CNTNAP5: variants seen among roughly 807,000 people sequenced by gnomAD.
CNTNAP5 encodes the protein contactin associated protein family member 5, also known as contactin-associated protein-like 5.
CNTNAP5 carries 72 observed loss-of-function variants against 150.2 expected under a neutral mutation model. The ratio of observed to expected loss-of-function variants is 0.48; its 90% confidence interval spans 0.40 to 0.58. CNTNAP5 has a LOEUF of 0.58. Ranked by LOEUF, CNTNAP5 falls within the 20% of genes least tolerant of loss-of-function variation. CNTNAP5 has a pLI of 0.00. For synonymous variants in CNTNAP5, 672 were observed against 619.8 expected (o/e 1.08, Z -1.25); for missense variants, 1,636 against 1,626.2 (o/e 1.01, Z -0.10).
At chr2:124,083,503 A>G (rs1454341361) in intron 1 of CNTNAP5, among the ~76,000 whole-genome samples, 1 of 152,144 alleles carries the variant, frequency 6.6e-6, no homozygotes, top group Non-Finnish European at 1.5e-5. Context: ...CTCTTTGTCT[A>G]GTATTATAGA....
At chr2:124,763,839 A>T (rs773095998) in intron 15 of CNTNAP5, 40 bp downstream of exon 15, 61 of 1,611,622 alleles carry the variant, frequency 3.8e-5, no homozygotes, top group Non-Finnish European at 4.6e-5. Context: ...TCTGCATTAC[A>T]TGAGCACAAG....
chr2:124,142,406 C>A (rs1684138096), intron 1 of CNTNAP5, among the ~76,000 whole-genome samples: 1 of 151,920 alleles, frequency 6.6e-6, no homozygotes, highest in Admixed American at 6.6e-5. Context: ...CTCTCCTCAG[C>A]AAATCTAAAG....
Position 124,390,399 on chromosome 2 carries a change from C to A in CNTNAP5, c.382-27044C>A, listed in dbSNP as rs978623817. ...GGGTTACCTTCCAGCACAGAATTAT[C>A]TACTAAAAAGCCATGACAGCCCACC... On this transcript the variant is annotated intron_variant, in intron 3 of 23. Transcript: ENST00000682447. Among the ~76,000 whole-genome samples the A allele has an allele frequency of 2.0e-5, 3 of 152,214 alleles. 1 individual carries two copies. Among genetic ancestry groups the A allele is most frequent in the Admixed American group, 6.5e-5 (1 of 15,280 alleles).
chr2:124,770,028 G>A (rs1681156751), intron 16 of CNTNAP5, among the ~76,000 whole-genome samples: 1 of 152,042 alleles, frequency 6.6e-6, no homozygotes, highest in Non-Finnish European at 1.5e-5. Context: ...ATTCTAGGAG[G>A]TGCAGCTTAA....
intron 21 of CNTNAP5, among the ~76,000 whole-genome samples, chr2:124,892,493 A>C (rs970681473): frequency 6.6e-6 from 1 of 152,122 alleles, no homozygotes; most frequent in Non-Finnish European, 1.5e-5. Context: ...TTCAAGAGAC[A>C]AAACAAGAAA....
At chr2:124,257,639 G>T (rs1687345449) in intron 3 of CNTNAP5, among the ~76,000 whole-genome samples, 4 of 152,086 alleles carry the variant, frequency 2.6e-5, no homozygotes, top group Admixed American at 2.6e-4. Flanking sequence ...GTGATCCTTT[G>T]CACATCTGCA....
At chr2:124,871,725 A>G (rs1677752915) in intron 21 of CNTNAP5, among the ~76,000 whole-genome samples, 1 of 152,120 alleles carries the variant, frequency 6.6e-6, no homozygotes, top group African/African-American at 2.4e-5. Context: ...AAGTTGATTT[A>G]AAGTCATCCT....
chr2:124,335,128 G>T (rs1311631876), intron 3 of CNTNAP5, among the ~76,000 whole-genome samples: 1 of 152,094 alleles, frequency 6.6e-6, no homozygotes, highest in Non-Finnish European at 1.5e-5. Flanking sequence ...AGTGTCTCTA[G>T]TCTCCACCCA....
chr2:124,876,924 A>G (rs1176054699), intron 21 of CNTNAP5, among the ~76,000 whole-genome samples: 2 of 152,096 alleles, frequency 1.3e-5, no homozygotes, highest in Admixed American at 6.6e-5. Context: ...GCATCCTGAA[A>G]TATCAGATGT....
intron 3 of CNTNAP5, among the ~76,000 whole-genome samples, chr2:124,398,719 G>T (rs1691327533): frequency 6.6e-6 from 1 of 152,122 alleles, no homozygotes; most frequent in African/African-American, 2.4e-5. Flanking sequence ...GACCTCGGGT[G>T]ATCCATCTGC....
At chr2:124,476,332 T>C (rs563434416) in intron 7 of CNTNAP5, among the ~76,000 whole-genome samples, 1 of 152,258 alleles carries the variant, frequency 6.6e-6, no homozygotes, top group Non-Finnish European at 1.5e-5. Context: ...TGCCCAATAT[T>C]GACAAAATGT....
intron 1 of CNTNAP5, among the ~76,000 whole-genome samples, chr2:124,202,908 C>T (rs922796517): frequency 1.3e-5 from 2 of 152,140 alleles, no homozygotes; most frequent in African/African-American, 4.8e-5. Context: ...CAGACCACAT[C>T]ATTCCACCCC....
At chr2:124,045,992 C>A (rs545174751) in intron 1 of CNTNAP5, among the ~76,000 whole-genome samples, 4 of 152,166 alleles carry the variant, frequency 2.6e-5, no homozygotes, top group African/African-American at 9.7e-5. Context: ...TTATATTTCA[C>A]CCAATTTCCA....
intron 3 of CNTNAP5, among the ~76,000 whole-genome samples, chr2:124,361,496 G>A (rs1479922090): frequency 6.9e-6 from 1 of 145,974 alleles, no homozygotes; most frequent in Admixed American, 6.8e-5. Context: ...CGGTGTGGAT[G>A]TCCTTTCTGT....
intron 3 of CNTNAP5, among the ~76,000 whole-genome samples, chr2:124,279,483 G>A (rs1030531): frequency 0.31 from 47,633 of 151,718 alleles, 7,758 homozygotes; most frequent in South Asian, 0.51. Context: ...TACACTATAT[G>A]TACCAGACTC....
At chr2:124,226,862 A>C (rs982065356) in intron 2 of CNTNAP5, among the ~76,000 whole-genome samples, 13 of 152,058 alleles carry the variant, frequency 8.5e-5, no homozygotes, top group Non-Finnish European at 1.9e-4. Context: ...GTGCTCTAAC[A>C]TGGTAGCTCA....
intron 1 of CNTNAP5, among the ~76,000 whole-genome samples, chr2:124,164,450 G>T (rs1276873161): frequency 6.6e-6 from 1 of 152,158 alleles, no homozygotes; most frequent in East Asian, 1.9e-4. Flanking sequence ...ACCCAGCTAA[G>T]TGCAGAGACT....
chr2:124,853,322 T>C (rs1331198642), intron 19 of CNTNAP5, among the ~76,000 whole-genome samples: 1 of 152,156 alleles, frequency 6.6e-6, no homozygotes, highest in Admixed American at 6.5e-5. Context: ...CCTAATGGAA[T>C]CCCCCTTTAC....
At chr2:124,798,031 T>A in intron 18 of CNTNAP5, 65 bp from the exon 19 acceptor site, 2 of 1,255,680 alleles carry the variant, frequency 1.6e-6, no homozygotes, top group Admixed American at 4.1e-5. Flanking sequence ...AGAAAGCAGC[T>A]AAGGTTAGCT....
Sources: allele counts gnomAD v4.1 joint callset (sites outside exome capture counted in the v4.1 genomes callset), GRCh38; gene constraint gnomAD v4.1.1; transcripts MANE v1.5; gene names NCBI Gene and HGNC (gene_info 2026-07-23, HGNC 2026-07-21).